The following SRGAP3 variants were observed in gnomAD, a reference collection of about 807,000 sequenced individuals.
SRGAP3 encodes the protein SLIT-ROBO Rho GTPase-activating protein 3.
In SRGAP3, 39 loss-of-function variants were observed where a neutral mutation model predicts 121.1. The ratio of observed to expected loss-of-function variants is 0.32; its 90% confidence interval spans 0.25 to 0.42. SRGAP3 has a LOEUF of 0.42. Ranked by LOEUF, SRGAP3 falls within the 10% of genes least tolerant of loss-of-function variation. SRGAP3 has a pLI of 1.00. For missense variants in SRGAP3, 1,213 were observed against 1,470.6 expected, an observed-to-expected ratio of 0.82 and a Z score of 2.86; for synonymous variants, 601 against 570.0, an observed-to-expected ratio of 1.05 and a Z score of -0.77.
chr3:9,029,077 T>C (rs1200609631), intron 12 of SRGAP3, among the ~76,000 whole-genome samples: 2 of 152,164 alleles, frequency 1.3e-5, no homozygotes, highest in Non-Finnish European at 2.9e-5. Flanking sequence ...ACAGCTGGAA[T>C]TGTCTGCTAC....
At chr3:9,184,651 CG>C (rs1237152780) in intron 1 of SRGAP3, among the ~76,000 whole-genome samples, 1 of 152,158 alleles carries the variant, frequency 6.6e-6, no homozygotes, top group African/African-American at 2.4e-5. Context: ...CAGAGCCACT[CG>C]GAAGTTCCAT....
intron 2 of SRGAP3, among the ~76,000 whole-genome samples, chr3:9,123,604 C>T (rs2124978390): frequency 6.6e-6 from 1 of 151,916 alleles, no homozygotes; most frequent in Middle Eastern, 3.4e-3. Flanking sequence ...ACTCAGGAGG[C>T]TGAGGCAGGA....
intron 1 of SRGAP3, chr3:9,348,530 C>T: frequency 1.1e-5 from 8 of 758,972 alleles, no homozygotes; most frequent in Non-Finnish European, 1.9e-5. Context: ...CAACACCGAC[C>T]TGAGCCCAGC....
At chr3:9,096,041 C>T (rs1325111517) in intron 3 of SRGAP3, among the ~76,000 whole-genome samples, 1 of 152,114 alleles carries the variant, frequency 6.6e-6, no homozygotes, top group African/African-American at 2.4e-5. Flanking sequence ...CACTGCACTC[C>T]AGCCTGGGCA....
chr3:9,114,384 T>C lies in SRGAP3; in HGVS notation c.261-9542A>G, dbSNP rs570930036. 5.3e-5 allele frequency among the ~76,000 whole-genome samples: 8 copies of C among 152,338 alleles called. No individual in the cohort carries two copies. In the South Asian group the frequency reaches 8.3e-4, roughly 16 times the overall value. ...GGGAAGATCTAAGGCCTGATGTACA[T>C]AGACAAACAGCCTATGATAAGTGTT... is the stretch of plus-strand genomic sequence containing the variant. On this transcript the variant is annotated intron_variant, in intron 2 of 21. Coordinates refer to ENST00000383836, the MANE Select transcript of SRGAP3 (RefSeq NM_014850.4).
intron 12 of SRGAP3, among the ~76,000 whole-genome samples, chr3:9,029,739 G>C (rs1225021807): frequency 6.6e-6 from 1 of 152,180 alleles, no homozygotes; most frequent in East Asian, 1.9e-4. Flanking sequence ...ATCTTTCACA[G>C]TAAAACTGTG....
intron 1 of SRGAP3, among the ~76,000 whole-genome samples, chr3:9,157,484 T>C (rs544984779): frequency 6.6e-6 from 1 of 152,328 alleles, no homozygotes; most frequent in East Asian, 1.9e-4. Context: ...AACAATAACA[T>C]GTATTTGTTG....
intron 14 of SRGAP3, 76 bp downstream of exon 14, chr3:9,025,185 C>T (rs1944125595): frequency 4.0e-6 from 6 of 1,518,506 alleles, no homozygotes; most frequent in Non-Finnish European, 5.5e-6. Context: ...CTGCACACCA[C>T]TGGCTCTGAG....
At chr3:9,121,099 G>A (rs963363461) in intron 2 of SRGAP3, among the ~76,000 whole-genome samples, 5 of 152,126 alleles carry the variant, frequency 3.3e-5, no homozygotes, top group Non-Finnish European at 5.9e-5. Context: ...CATCTCTGAG[G>A]CAAATCTCTC....
At chr3:8,991,930 G>A (rs991149600) in intron 20 of SRGAP3, among the ~76,000 whole-genome samples, 3 of 152,188 alleles carry the variant, frequency 2.0e-5, no homozygotes, top group Non-Finnish European at 4.4e-5. Context: ...GGGGACAAGG[G>A]AGAGGAAAAG....
intron 1 of SRGAP3, among the ~76,000 whole-genome samples, chr3:9,132,627 G>A (rs917803781): frequency 6.6e-5 from 10 of 152,004 alleles, no homozygotes; most frequent in African/African-American, 1.2e-4. Context: ...TCTGTGCTAC[G>A]GAATAATGTT....
Position 9,362,162 on chromosome 3 carries a change from CTTTTTTTTTTTTTTT to C in SRGAP3, n.214+663_214+677del, listed in dbSNP as rs36036357. On this transcript the variant is annotated intron_variant and non_coding_transcript_variant, in intron 1 of 3. Transcript: ENST00000490889. ...AAATGGCTACCATGCAGGTTCAACT[CTTTTTTTTTTTTTTT>C]TTTTTTTTTTTTGAGATGATGTCTT... Among the ~76,000 whole-genome samples the C allele has an allele frequency of 4.1e-4, 37 of 90,960 alleles. 1 individual carries two copies. Among genetic ancestry groups the C allele is most frequent in the South Asian group, 2.6e-3 (7 of 2,744 alleles). The allele number at this position is 90,960 out of a possible 152,430, so 59.7% of individuals were successfully genotyped here.
At chr3:9,267,212 T>C (rs1954383611) in intron 3 of SRGAP3, among the ~76,000 whole-genome samples, 1 of 152,148 alleles carries the variant, frequency 6.6e-6, no homozygotes, top group African/African-American at 2.4e-5. Context: ...CCCCCTGTAA[T>C]GGCCCCAAAT....
intron 4 of SRGAP3, among the ~76,000 whole-genome samples, chr3:9,073,910 A>G (rs1946837198): frequency 6.6e-6 from 1 of 152,260 alleles, no homozygotes; most frequent in South Asian, 2.1e-4. Flanking sequence ...CTAACTGGAC[A>G]CTAATAACCT....
chr3:9,323,244 A>C (rs777262472), intron 3 of SRGAP3, among the ~76,000 whole-genome samples: 1 of 151,864 alleles, frequency 6.6e-6, no homozygotes, highest in Admixed American at 6.5e-5. Flanking sequence ...CTGTATCTTG[A>C]CTGTGGTGAT....
At chr3:9,039,102 C>G (rs1282034357) in intron 10 of SRGAP3, among the ~76,000 whole-genome samples, 1 of 152,194 alleles carries the variant, frequency 6.6e-6, no homozygotes, top group Non-Finnish European at 1.5e-5. Context: ...TTAAGGGCAA[C>G]AAGGATCTCC....
At chr3:9,290,512 T>C (rs1011785763) in intron 3 of SRGAP3, among the ~76,000 whole-genome samples, 10 of 152,120 alleles carry the variant, frequency 6.6e-5, no homozygotes, top group African/African-American at 2.2e-4. Context: ...CCTTATCCAG[T>C]AGGTAATGGA....
intron 1 of SRGAP3, among the ~76,000 whole-genome samples, chr3:9,159,095 G>C (rs566792174): frequency 6.6e-6 from 1 of 152,186 alleles, no homozygotes; most frequent in South Asian, 2.1e-4. Context: ...GTTCCAACTC[G>C]TGTTCTGTAC....
At position 9,015,699 on chromosome 3, in the gene SRGAP3, G is replaced by C; in HGVS notation, c.1711C>G (p.Arg571Gly). 3 of 1,614,160 alleles carry C rather than the reference G, an allele frequency of 1.9e-6. No homozygotes were observed. Among genetic ancestry groups the C allele is most frequent in the Non-Finnish European group, 2.5e-6 (3 of 1,180,034 alleles). ...EDPLVDDQNE[R>G]DINSVAGVLK... The stretch of plus-strand genomic sequence containing the variant: ...ACACCAGCGACTGAATTGATATCTC[G>C]TTCATTTTGATCGTCCACAAGGGGG... The change falls in exon 15 of 22, where the codon CGA becomes GGA. Residue 571 changes from arginine to glycine, a missense_variant. Arg to Gly is a moderately radical substitution (Grantham distance 125, BLOSUM62 -2). This residue lies in a region of SRGAP3 where 793 missense variants were observed against 1,032.9 expected (regional missense o/e 0.77). Transcript: ENST00000383836.
Sources: allele counts gnomAD v4.1 joint callset (sites outside exome capture counted in the v4.1 genomes callset), GRCh38; gene constraint gnomAD v4.1.1; regional missense constraint gnomAD v4.1.1; transcripts MANE v1.5; gene names NCBI Gene and HGNC (gene_info 2026-07-23, HGNC 2026-07-21).